CAST: variants seen among roughly 807,000 people sequenced by gnomAD.
The protein encoded by CAST is MIR583 host.
A neutral mutation model predicts 119.6 loss-of-function variants in CAST; 76 were observed. The observed-to-expected ratio is 0.64, with a 90% CI of 0.53 to 0.77. The LOEUF is 0.77. Among genes scored for constraint, CAST ranks in the 30% least tolerant of loss-of-function variants. The pLI is 0.00. For synonymous variants in CAST, 319 were observed against 331.6 expected, an observed-to-expected ratio of 0.96 and a Z score of 0.41; for missense variants, 953 against 946.5, an observed-to-expected ratio of 1.01 and a Z score of -0.09.
the CAST span, among the ~76,000 whole-genome samples, chr5:96,476,214 C>A: frequency 6.6e-6 from 1 of 152,194 alleles, no homozygotes; most frequent in South Asian, 2.1e-4. Flanking sequence ...TGTTTTAGTG[C>A]ACATTGGAGA....
the CAST span, among the ~76,000 whole-genome samples, chr5:96,192,694 C>G: frequency 1.3e-5 from 2 of 152,128 alleles, no homozygotes; most frequent in African/African-American, 4.8e-5. Context: ...TCAGACTTGG[C>G]CATGTGTCTT....
chr5:96,597,035 T>C (rs547459928), intron 1 of CAST, among the ~76,000 whole-genome samples: 25 of 152,196 alleles, frequency 1.6e-4, no homozygotes, highest in Non-Finnish European at 3.4e-4. Context: ...TATCTCCTAA[T>C]ACAGTCATAT....
chr5:95,998,477 C>A, the CAST span, among the ~76,000 whole-genome samples: 1 of 152,048 alleles, frequency 6.6e-6, no homozygotes, highest in South Asian at 2.1e-4. Flanking sequence ...GTACCCCAGT[C>A]CTTAGCTCCC....
chr5:96,707,390 AC>A (rs1195656016), intron 3 of CAST, among the ~76,000 whole-genome samples: 1 of 145,584 alleles, frequency 6.9e-6, no homozygotes, highest in East Asian at 2.0e-4. Context: ...ACTTTAGTTA[AC>A]CTTTTTTTTT....
the CAST span, among the ~76,000 whole-genome samples, chr5:96,022,052 A>C: frequency 6.6e-6 from 1 of 152,188 alleles, no homozygotes; most frequent in East Asian, 1.9e-4. Flanking sequence ...TTTACATAGC[A>C]TTTACATTGT....
chr5:96,628,195 T>A (rs1747759460), intron 1 of CAST, among the ~76,000 whole-genome samples: 1 of 152,254 alleles, frequency 6.6e-6, no homozygotes, highest in Non-Finnish European at 1.5e-5. Flanking sequence ...TGGAAAAGTT[T>A]GATAACTTAT....
upstream of CAST, among the ~76,000 whole-genome samples, chr5:96,526,078 G>C (rs752543103): frequency 6.6e-6 from 1 of 152,168 alleles, no homozygotes; most frequent in Admixed American, 6.5e-5. Context: ...CAAATAACAG[G>C]TTTCACAACT....
the CAST span, among the ~76,000 whole-genome samples, chr5:96,183,120 G>A: frequency 9.3e-5 from 14 of 150,096 alleles, no homozygotes; most frequent in Non-Finnish European, 1.8e-4. Context: ...CAGCCTGGGT[G>A]ACAGAACAAG....
chr5:95,961,966 C>T, the CAST span: 30 of 442,616 alleles, frequency 6.8e-5, no homozygotes, highest in Middle Eastern at 1.7e-3. Context: ...CCCTCATCGG[C>T]CGCCCTCCAC....
chr5:96,217,877 G>C, the CAST span, among the ~76,000 whole-genome samples: 1 of 152,180 alleles, frequency 6.6e-6, no homozygotes, highest in African/African-American at 2.4e-5. Context: ...TCCTGAGCTA[G>C]ACATTGGTTA....
the CAST span, among the ~76,000 whole-genome samples, chr5:96,406,945 C>T: frequency 6.6e-6 from 1 of 152,052 alleles, no homozygotes; most frequent in South Asian, 2.1e-4. Flanking sequence ...TGAGACAGTT[C>T]AATTTTTTTC....
At chr5:96,425,751 T>G in the CAST span, 1 of 848,062 alleles carries the variant, frequency 1.2e-6, no homozygotes, top group Admixed American at 1.9e-5. Context: ...AAATCCATGT[T>G]GCAAATGTAA....
chr5:95,977,758 G>T, the CAST span, among the ~76,000 whole-genome samples: 1 of 151,916 alleles, frequency 6.6e-6, no homozygotes, highest in Non-Finnish European at 1.5e-5. Context: ...CAGGTATTAA[G>T]CCTAGTTCTC....
the CAST span, chr5:96,079,189 A>C: frequency 2.1e-6 from 1 of 467,194 alleles, no homozygotes; most frequent in East Asian, 6.9e-5. Context: ...GGATCTTAGC[A>C]GTACTGGGAC....
chr5:96,765,283 G>T lies in CAST; in HGVS notation c.1995G>T (p.Gln665His). The T allele has an allele frequency of 6.4e-7, 1 of 1,568,638 alleles. No individual in the cohort carries two copies. The highest frequency in any genetic ancestry group is 1.1e-5 in the South Asian group (1 of 89,984). Residue 665 changes from glutamine (Q) to histidine (H), a missense_variant, in exon 26 of 32, where the codon CAG becomes CAT. Physicochemically the swap from Gln to His is conservative, Grantham distance 24. Coordinates refer to ENST00000675179, the MANE Select transcript of CAST (RefSeq NM_001750.7). ...TCTCTGACAGTCTAGGACAAAGGCA[G>T]CCTGACCCAGATGAGAACAAACCAA... The part of the protein sequence containing the change: ...DKLSDSLGQR[Q>H]PDPDENKPME...
the CAST span, among the ~76,000 whole-genome samples, chr5:96,234,460 C>T: frequency 2.6e-5 from 4 of 152,268 alleles, no homozygotes; most frequent in East Asian, 5.8e-4. Context: ...ACAAACCATA[C>T]TAAATCAGGT....
At chr5:96,513,317 T>C in the CAST span, among the ~76,000 whole-genome samples, 1 of 152,220 alleles carries the variant, frequency 6.6e-6, no homozygotes, top group African/African-American at 2.4e-5. Context: ...TTGGAGAGTT[T>C]ATATTCTAGC....
chr5:96,662,176 G>A (rs1332098348), upstream of CAST: 2 of 425,172 alleles, frequency 4.7e-6, no homozygotes, highest in African/African-American at 2.1e-5. Context: ...GTGAGGACCG[G>A]GGCGGAGGGT....
At chr5:96,449,793 A>G in the CAST span, among the ~76,000 whole-genome samples, 1 of 152,230 alleles carries the variant, frequency 6.6e-6, no homozygotes, top group Admixed American at 6.5e-5. Context: ...CTGTTTGGAC[A>G]GGACTCTCTT....
Sources: gnomAD v4.1 joint callset for allele counts (sites outside exome capture counted in the v4.1 genomes callset) on GRCh38, gnomAD v4.1.1 for gene constraint, MANE v1.5 for transcripts, NCBI Gene and HGNC (gene_info 2026-07-23, HGNC 2026-07-21) for gene names.